Variants in DPYD observed in about 807,000 individuals in gnomAD.
DPYD encodes the protein dihydropyrimidine dehydrogenase.
A neutral mutation model predicts 116.2 loss-of-function variants in DPYD; 109 were observed. That is an observed-to-expected ratio of 0.94 (90% CI 0.80 to 1.10). The LOEUF (loss-of-function observed/expected upper bound fraction) is 1.10, where lower values mean the gene tolerates loss of function less well. Ranked by LOEUF, DPYD falls within the 50% of genes least tolerant of loss-of-function variation. The pLI, the probability that DPYD is intolerant of heterozygous loss-of-function variation, is 0.00. For missense variants in DPYD, 1,302 were observed against 1,254.5 expected (o/e 1.04, Z -0.57); for synonymous variants, 440 against 432.0 (o/e 1.02, Z -0.23).
intron 1 of DPYD, among the ~76,000 whole-genome samples, chr1:97,886,575 T>C (rs546852842): frequency 7.0e-4 from 107 of 152,090 alleles, no homozygotes; most frequent in Non-Finnish European, 9.1e-4. Flanking sequence ...AAGCAGAAAT[T>C]TAACTCTGAG....
chr1:97,229,779 A>C (rs2100730080), intron 19 of DPYD, among the ~76,000 whole-genome samples: 1 of 151,912 alleles, frequency 6.6e-6, no homozygotes, highest in Non-Finnish European at 1.5e-5. Context: ...TTTCCTCTTC[A>C]TTTCTGAAGT....
chr1:97,766,229 G>C (rs779537424), intron 3 of DPYD, among the ~76,000 whole-genome samples: 4 of 152,002 alleles, frequency 2.6e-5, no homozygotes, highest in Admixed American at 6.6e-5. Flanking sequence ...CAACAAGAGA[G>C]AAACTCAGTC....
chr1:97,814,426 GGAAAGAATGT>G (rs776708709), intron 3 of DPYD, among the ~76,000 whole-genome samples: 96 of 152,222 alleles, frequency 6.3e-4, no homozygotes, highest in Non-Finnish European at 1.3e-3. Context: ...GGATTTTTAA[GGAAAGAATGT>G]AAAAAGGGAA....
rs2100972118 is a variant in DPYD, at chr1:97,699,492, TC to T, written c.538del (p.Glu180LysfsTer21). 4 of 1,613,550 alleles carry T rather than the reference TC, an allele frequency of 2.5e-6. No homozygotes were observed. Among genetic ancestry groups the T allele is most frequent in the Non-Finnish European group, 3.4e-6 (4 of 1,179,608 alleles). ...QIRNPSLPPP[E>X]KMSEAYSAKI... The stretch of plus-strand genomic sequence containing the variant: ...TGCAGAATAGGCTTCAGACATTTTT[TC>T]TGGGGGAGGCAGCGAAGGATTTCTG... On this transcript the variant is annotated frameshift_variant, in exon 6 of 23. Transcript: ENST00000370192. LOFTEE classifies it high-confidence loss of function.
chr1:97,389,445 A>G (rs1672552313), intron 14 of DPYD, among the ~76,000 whole-genome samples: 2 of 152,088 alleles, frequency 1.3e-5, no homozygotes, highest in Non-Finnish European at 2.9e-5. Flanking sequence ...GTAAAAATCA[A>G]AGGACAAGTT....
At chr1:97,752,932 C>A (rs1665013114) in intron 3 of DPYD, among the ~76,000 whole-genome samples, 1 of 152,056 alleles carries the variant, frequency 6.6e-6, no homozygotes, top group Non-Finnish European at 1.5e-5. Context: ...ATGAAAAAGC[C>A]AGAATTTTGG....
chr1:97,487,627 T>G (rs1678722208), intron 13 of DPYD, among the ~76,000 whole-genome samples: 1 of 152,058 alleles, frequency 6.6e-6, no homozygotes, highest in Non-Finnish European at 1.5e-5. Context: ...GAGCTGAGAT[T>G]GCACCACTGC....
At chr1:97,308,899 A>AAGG (rs2101049424) in intron 16 of DPYD, among the ~76,000 whole-genome samples, 1 of 151,986 alleles carries the variant, frequency 6.6e-6, no homozygotes, top group African/African-American at 2.4e-5. Flanking sequence ...CAATACATAC[A>AAGG]AGGAGAAGAA....
intron 13 of DPYD, among the ~76,000 whole-genome samples, chr1:97,468,827 T>TAAGGATG (rs1022249562): frequency 9.2e-5 from 14 of 152,164 alleles, no homozygotes; most frequent in African/African-American, 3.1e-4. Flanking sequence ...TGCTAAGTTT[T>TAAGGATG]AAGGATGAAG....
intron 15 of DPYD, among the ~76,000 whole-genome samples, chr1:97,378,135 G>C (rs1457288034): frequency 6.6e-6 from 1 of 152,200 alleles, no homozygotes; most frequent in East Asian, 1.9e-4. Flanking sequence ...ACCTCTCTGA[G>C]ATAGACCTGG....
intron 13 of DPYD, among the ~76,000 whole-genome samples, chr1:97,491,812 C>T (rs912501412): frequency 6.6e-6 from 1 of 152,006 alleles, no homozygotes; most frequent in Admixed American, 6.6e-5. Flanking sequence ...AAGATTTGAT[C>T]TTACGGTTTT....
intron 3 of DPYD, among the ~76,000 whole-genome samples, chr1:97,773,491 C>G (rs111288899): frequency 6.6e-6 from 1 of 152,164 alleles, no homozygotes; most frequent in African/African-American, 2.4e-5. Flanking sequence ...CCTATTTTCA[C>G]GTCCGAATGT....
At chr1:97,806,287 G>T (rs1668076136) in intron 3 of DPYD, among the ~76,000 whole-genome samples, 1 of 151,764 alleles carries the variant, frequency 6.6e-6, no homozygotes, top group Admixed American at 6.6e-5. Context: ...AGAAGAAAAT[G>T]CAGTTGTTTC....
intron 9 of DPYD, among the ~76,000 whole-genome samples, chr1:97,593,790 A>T (rs1654689409): frequency 1.3e-5 from 2 of 152,240 alleles, no homozygotes; most frequent in South Asian, 4.1e-4. Flanking sequence ...ATATTTCATT[A>T]TAATACTTTT....
At chr1:97,369,064 T>C (rs1671183493) in intron 16 of DPYD, among the ~76,000 whole-genome samples, 1 of 152,114 alleles carries the variant, frequency 6.6e-6, no homozygotes, top group African/African-American at 2.4e-5. Context: ...ATATGTAATA[T>C]AATTTTAGTA....
intron 16 of DPYD, among the ~76,000 whole-genome samples, chr1:97,368,217 A>T (rs144239427): frequency 1.3e-5 from 2 of 152,276 alleles, no homozygotes; most frequent in East Asian, 3.9e-4. Context: ...TAGACAGAAC[A>T]CTAGACAGGG....
chr1:97,748,637 A>T (rs1367621332), intron 3 of DPYD, among the ~76,000 whole-genome samples: 1 of 152,114 alleles, frequency 6.6e-6, no homozygotes, highest in Non-Finnish European at 1.5e-5. Context: ...AAAGACTATA[A>T]TTCATCTTTG....
At chr1:97,882,480 T>C (rs572229544) in intron 2 of DPYD, among the ~76,000 whole-genome samples, 56 of 152,146 alleles carry the variant, frequency 3.7e-4, no homozygotes, top group Middle Eastern at 3.4e-3. Context: ...ACGGTTCCAA[T>C]TGAGCTAATG....
chr1:97,904,533 C>T (rs1290280878), intron 1 of DPYD, among the ~76,000 whole-genome samples: 1 of 151,902 alleles, frequency 6.6e-6, no homozygotes. Context: ...AAAGGTTAAC[C>T]ACCAAAGACA....
Sources: allele counts gnomAD v4.1 joint callset (sites outside exome capture counted in the v4.1 genomes callset), GRCh38; gene constraint gnomAD v4.1.1; transcripts MANE v1.5; gene names NCBI Gene and HGNC (gene_info 2026-07-23, HGNC 2026-07-21).